NYAP2: variants seen among roughly 807,000 people sequenced by gnomAD.
NYAP2 encodes neuronal tyrosine-phosphorylated phosphoinositide-3-kinase adapter 2.
NYAP2 carries 23 observed loss-of-function variants against 50.4 expected under a neutral mutation model. That is an observed-to-expected ratio of 0.46 (90% CI 0.33 to 0.65). The LOEUF is 0.65. Among genes scored for constraint, NYAP2 ranks in the 30% least tolerant of loss-of-function variants. The probability of loss-of-function intolerance (pLI) is 0.02; values close to 1 mark genes in which losing one functional copy is unlikely to be tolerated. For synonymous variants in NYAP2, 394 were observed against 365.2 expected, an observed-to-expected ratio of 1.08 and a Z score of -0.90; for missense variants, 885 against 861.0, an observed-to-expected ratio of 1.03 and a Z score of -0.35.
exon 4 of NYAP2, chr2:225,513,495 G>A: frequency 1.2e-6 from 2 of 1,613,898 alleles, no homozygotes; most frequent in South Asian, 2.2e-5. Context: ...TGGCTTTTCT[G>A]TGAGATCACA....
At chr2:225,531,649 A>C (rs1478239121) in intron 4 of NYAP2, among the ~76,000 whole-genome samples, 1 of 152,220 alleles carries the variant, frequency 6.6e-6, no homozygotes, top group Non-Finnish European at 1.5e-5. Context: ...GAGTTAATGC[A>C]CTTTCAGGCA....
intron 3 of NYAP2, among the ~76,000 whole-genome samples, chr2:225,452,065 A>T (rs1315401049): frequency 3.3e-5 from 5 of 152,156 alleles, no homozygotes; most frequent in Non-Finnish European, 7.4e-5. Flanking sequence ...GCTTAACACC[A>T]ATTACCAGGA....
the NYAP2 span, among the ~76,000 whole-genome samples, chr2:225,679,582 A>G: frequency 4.1e-5 from 6 of 144,836 alleles, no homozygotes; most frequent in African/African-American, 7.7e-5. Flanking sequence ...GCAGCCTCCA[A>G]CTCCCTGGTT....
At chr2:225,577,504 AT>A (rs1173067668) in intron 4 of NYAP2, among the ~76,000 whole-genome samples, 1 of 152,062 alleles carries the variant, frequency 6.6e-6, no homozygotes, top group Non-Finnish European at 1.5e-5. Context: ...GTTGGAATAC[AT>A]TATGGGACAA....
intron 3 of NYAP2, among the ~76,000 whole-genome samples, chr2:225,504,854 A>C (rs1690674805): frequency 6.6e-6 from 1 of 152,044 alleles, no homozygotes; most frequent in Non-Finnish European, 1.5e-5. Context: ...CTAAAAATAC[A>C]AAAATTAGCT....
chr2:225,563,593 T>C (rs1384944582), intron 4 of NYAP2, among the ~76,000 whole-genome samples: 1 of 152,052 alleles, frequency 6.6e-6, no homozygotes, highest in African/African-American at 2.4e-5. Context: ...AGCTAATTGA[T>C]TACAGTATTT....
chr2:225,514,756 G>T (rs1690896431), intron 4 of NYAP2, among the ~76,000 whole-genome samples: 2 of 152,154 alleles, frequency 1.3e-5, no homozygotes, highest in African/African-American at 4.8e-5. Context: ...GGTTCCCAAT[G>T]CTGCCAGTGA....
chr2:225,628,521 C>T (rs1400184370), intron 6 of NYAP2, among the ~76,000 whole-genome samples: 1 of 151,890 alleles, frequency 6.6e-6, no homozygotes, highest in Non-Finnish European at 1.5e-5. Context: ...CGGGGTTTCA[C>T]TATGTTGGTC....
At chr2:225,521,579 T>C (rs996733339) in intron 4 of NYAP2, among the ~76,000 whole-genome samples, 5 of 152,134 alleles carry the variant, frequency 3.3e-5, no homozygotes, top group Non-Finnish European at 7.3e-5. Flanking sequence ...ATTACACTTA[T>C]TGATTTGCGT....
chr2:225,405,898 T>C (rs1472045397), intron 2 of NYAP2, among the ~76,000 whole-genome samples: 1 of 151,976 alleles, frequency 6.6e-6, no homozygotes, highest in Non-Finnish European at 1.5e-5. Context: ...TTTAAGGAAG[T>C]TGCACTACAA....
intron 5 of NYAP2, among the ~76,000 whole-genome samples, chr2:225,595,536 G>A (rs1329382288): frequency 2.6e-5 from 4 of 152,166 alleles, no homozygotes; most frequent in Non-Finnish European, 4.4e-5. Flanking sequence ...TTAATGACAA[G>A]AGATATGTGT....
At chr2:225,500,201 G>A (rs1690580909) in intron 3 of NYAP2, among the ~76,000 whole-genome samples, 1 of 152,154 alleles carries the variant, frequency 6.6e-6, no homozygotes, top group Admixed American at 6.5e-5. Flanking sequence ...TGAGGGACTG[G>A]GTTCAGATTT....
At chr2:225,605,120 A>G (rs1559227750) in intron 5 of NYAP2, among the ~76,000 whole-genome samples, 1 of 152,120 alleles carries the variant, frequency 6.6e-6, no homozygotes, top group Non-Finnish European at 1.5e-5. Flanking sequence ...TTTAGGAAGA[A>G]TGGAAACGAT....
chr2:225,696,250 A>C, the NYAP2 span, among the ~76,000 whole-genome samples: 1 of 152,064 alleles, frequency 6.6e-6, no homozygotes. Flanking sequence ...TCTGAGACTT[A>C]GTTTTGTAAT....
In NYAP2 at chr2:225,652,470, T is replaced by C. The variant is rs559879612; in HGVS notation, c.*905T>C. On this transcript the variant is annotated 3_prime_UTR_variant, in exon 7 of 7. Transcript: ENST00000636099. ...CTCTGATGTTCGTTTGGGTACGTGG[T>C]TGTGGATGGGGAATTAGTATGGGGA... The C allele has an allele frequency of 2.0e-5, 3 of 152,308 alleles. No individual in the cohort carries two copies. The East Asian group carries it at 5.8e-4, about 29-fold the overall frequency. 9.4% of individuals were successfully genotyped at this position (152,308 alleles called of 1,614,324 possible). A position where few individuals can be genotyped will look rare whatever the true frequency, so the allele number is the denominator to read the frequency against.
chr2:225,403,024 A>C (rs954714981), intron 2 of NYAP2, among the ~76,000 whole-genome samples: 1 of 152,044 alleles, frequency 6.6e-6, no homozygotes, highest in Non-Finnish European at 1.5e-5. Context: ...AAATCCTTAC[A>C]TTTTCATACA....
At chr2:225,642,082 G>A (rs1693543853) in intron 6 of NYAP2, among the ~76,000 whole-genome samples, 1 of 152,118 alleles carries the variant, frequency 6.6e-6, no homozygotes, top group Admixed American at 6.6e-5. Context: ...TGCTTTCAAA[G>A]AGCATGGAGC....
At chr2:225,490,284 A>G (rs1690382105) in intron 3 of NYAP2, among the ~76,000 whole-genome samples, 1 of 152,086 alleles carries the variant, frequency 6.6e-6, no homozygotes, top group Admixed American at 6.6e-5. Flanking sequence ...TCCACATGCA[A>G]TATTGTCCCA....
At chr2:225,453,708 G>A (rs976668944) in intron 3 of NYAP2, among the ~76,000 whole-genome samples, 2 of 151,866 alleles carry the variant, frequency 1.3e-5, no homozygotes, top group African/African-American at 4.8e-5. Context: ...CACCCAGGCT[G>A]GAGTGCTGGA....
Sources: allele counts gnomAD v4.1 joint callset (sites outside exome capture counted in the v4.1 genomes callset), GRCh38; gene constraint gnomAD v4.1.1; transcripts MANE v1.5; gene names NCBI Gene and HGNC (gene_info 2026-07-23, HGNC 2026-07-21).